CENPU: variants seen among roughly 807,000 people sequenced by gnomAD.
The protein encoded by CENPU is centromere protein U.
In CENPU, 46 loss-of-function variants were observed where a neutral mutation model predicts 56.7. The ratio of observed to expected loss-of-function variants is 0.81; its 90% CI spans 0.64 to 1.04. The LOEUF (loss-of-function observed/expected upper bound fraction) is 1.04. Ranked by LOEUF, CENPU falls within the 50% of genes least tolerant of loss-of-function variation. CENPU has a pLI of 0.00. For synonymous variants in CENPU, 166 were observed against 163.0 expected, an observed-to-expected ratio of 1.02 and a Z score of -0.14; for missense variants, 510 against 490.1, an observed-to-expected ratio of 1.04 and a Z score of -0.38.
intron 3 of CENPU, among the ~76,000 whole-genome samples, chr4:184,727,418 G>C (rs1420411082): frequency 6.6e-6 from 1 of 152,068 alleles, no homozygotes; most frequent in East Asian, 1.9e-4. Flanking sequence ...ACTTAAAAAA[G>C]GTTAATATGG....
chr4:184,733,467 C>T, intron 1 of CENPU: 1 of 974,830 alleles, frequency 1.0e-6, no homozygotes, highest in Non-Finnish European at 1.2e-6. Flanking sequence ...CATTCTAGAG[C>T]GCGTTTTGCA....
intron 8 of CENPU, among the ~76,000 whole-genome samples, chr4:184,704,203 C>A (rs1026347284): frequency 3.9e-5 from 6 of 152,110 alleles, no homozygotes; most frequent in Non-Finnish European, 7.4e-5. Context: ...CCTCAGCCTC[C>A]CGTGTAGCTG....
Position 184,694,513 on chromosome 4 carries a change from GAAATA to G in CENPU, c.*770_*774del. The G allele has an allele frequency of 6.2e-7, 1 of 1,608,514 alleles. No individual in the cohort carries two copies. Among genetic ancestry groups the G allele is most frequent in the Non-Finnish European group, 8.5e-7 (1 of 1,175,964 alleles). Reference sequence around the variant, plus strand: ...TCCCACTCTCTATCCCTTCACCACTGAAATAAAGGAAGAAGAGTTTACAACAGATG... The same window carrying G: ...TCCCACTCTCTATCCCTTCACCACTGAAGGAAGAAGAGTTTACAACAGATG... On this transcript the variant is annotated 3_prime_UTR_variant, in exon 13 of 13. Coordinates refer to ENST00000281453, the MANE Select transcript of CENPU (RefSeq NM_024629.4).
chr4:184,729,814 C>T (rs1431249272), intron 2 of CENPU, among the ~76,000 whole-genome samples: 2 of 152,096 alleles, frequency 1.3e-5, no homozygotes, highest in Non-Finnish European at 2.9e-5. Context: ...GTCTGCTACC[C>T]CAAATCTAAT....
At position 184,718,752 on chromosome 4, in the gene CENPU, C is replaced by T. The variant is rs567245196; in HGVS notation, c.321-1556G>A. On this transcript the variant is annotated intron_variant, in intron 4 of 12. Transcript: ENST00000281453. Reference sequence around the variant, plus strand: ...ACAGAACAAACCAAGACTGATTGCCCAGATTGCTGGATCGGAGGGGAGTGG... The same window carrying T: ...ACAGAACAAACCAAGACTGATTGCCTAGATTGCTGGATCGGAGGGGAGTGG... 2.6e-5 allele frequency among the ~76,000 whole-genome samples: 4 copies of T among 152,276 alleles called. No individual in the cohort carries two copies. The South Asian group carries it at 8.3e-4, about 32-fold the overall frequency.
intron 11 of CENPU, among the ~76,000 whole-genome samples, chr4:184,698,777 C>T (rs953971800): frequency 2.0e-5 from 3 of 152,136 alleles, no homozygotes; most frequent in Non-Finnish European, 4.4e-5. Flanking sequence ...TGAACAAATG[C>T]AGCGCTGGGG....
chr4:184,700,685 C>T lies in CENPU; in HGVS notation c.986+135G>A, dbSNP rs558938083. On this transcript the variant is annotated intron_variant, in intron 11 of 12. Coordinates refer to ENST00000281453, the MANE Select transcript of CENPU (RefSeq NM_024629.4). ...GGGGCAACTAAGCAGCATACCCTGC[C>T]TTCACTGAGTATCGGAGCTTGAAGA... 3.2e-5 allele frequency: 25 copies of T among 785,900 alleles called. No individual in the cohort carries two copies. In the African/African-American group the frequency reaches 3.5e-4, roughly 11 times the overall value. The allele number at this position is 785,900 out of a possible 1,614,324, so 48.7% of individuals were successfully genotyped here. A position where few individuals can be genotyped will look rare whatever the true frequency, so the allele number is the denominator to read the frequency against.
At chr4:184,731,040 C>T (rs953291596) in intron 1 of CENPU, 72 bp from the exon 2 acceptor site, 1 of 1,064,174 alleles carries the variant, frequency 9.4e-7, no homozygotes, top group Non-Finnish European at 1.3e-6. Flanking sequence ...TAGTTATGAC[C>T]CTTTCCGCGC....
intron 2 of CENPU, 100 bp from the exon 3 acceptor site, chr4:184,729,135 A>C: frequency 2.2e-6 from 2 of 913,540 alleles, no homozygotes; most frequent in Non-Finnish European, 3.5e-6. Context: ...CTGCCTAAGG[A>C]AGCAATCCTT....
intron 6 of CENPU, 62 bp from the exon 7 acceptor site, chr4:184,713,075 T>A: frequency 9.4e-7 from 1 of 1,063,610 alleles, no homozygotes; most frequent in Non-Finnish European, 1.4e-6. Flanking sequence ...AACATTAGGA[T>A]TAAGACTGTC....
chr4:184,703,238 C>T (rs1394329769), intron 8 of CENPU, among the ~76,000 whole-genome samples: 1 of 152,228 alleles, frequency 6.6e-6, no homozygotes, highest in East Asian at 1.9e-4. Flanking sequence ...TCTTTTTCTG[C>T]TAACTGATAG....
chr4:184,733,049 A>G (rs1372197832), intron 1 of CENPU, among the ~76,000 whole-genome samples: 1 of 152,174 alleles, frequency 6.6e-6, no homozygotes, highest in African/African-American at 2.4e-5. Flanking sequence ...GGAGGCATGA[A>G]CAGATTTCAT....
intron 7 of CENPU, among the ~76,000 whole-genome samples, chr4:184,710,605 A>C (rs1212928390): frequency 6.6e-6 from 1 of 152,204 alleles, no homozygotes; most frequent in African/African-American, 2.4e-5. Flanking sequence ...AGTAATATAC[A>C]GTAATATACC....
intron 8 of CENPU, among the ~76,000 whole-genome samples, chr4:184,707,947 G>A (rs1760782139): frequency 6.6e-6 from 1 of 152,140 alleles, no homozygotes; most frequent in Non-Finnish European, 1.5e-5. Context: ...AAATAGCTGG[G>A]CGCGGTGGCT....
At chr4:184,695,428 C>T (rs2150195788) in intron 12 of CENPU, 27 bp from the exon 13 acceptor site, 1 of 1,519,916 alleles carries the variant, frequency 6.6e-7, no homozygotes, top group East Asian at 2.3e-5. Flanking sequence ...ATATAATTAG[C>T]AATATCAAAA....
In CENPU at chr4:184,702,115, T is replaced by G. The variant is rs1462382748; in HGVS notation, c.898A>C (p.Thr300Pro). ...TTAGCATTCTTCCTTTTCAGATTTG[T>G]CAACATCTGGCTTTCTTTAAGCTAC... ...IKMLKESQML[T>P]NLKRKNAKMI... Residue 300 changes from threonine (T) to proline (P), a missense_variant, in exon 10 of 13, where the codon ACA becomes CCA. Thr to Pro is a conservative substitution (Grantham distance 38, BLOSUM62 -1). Transcript: ENST00000281453. The G allele has an allele frequency of 3.1e-6, 5 of 1,608,334 alleles. No individual in the cohort carries two copies. The highest frequency in any genetic ancestry group is 3.4e-6 in the Non-Finnish European group (4 of 1,175,756).
chr4:184,714,584 C>G (rs571070688), intron 6 of CENPU, among the ~76,000 whole-genome samples: 1 of 152,116 alleles, frequency 6.6e-6, no homozygotes, highest in South Asian at 2.1e-4. Context: ...TGATAACACA[C>G]TGATTCTAAA....
intron 11 of CENPU, among the ~76,000 whole-genome samples, chr4:184,699,145 G>A (rs1043812732): frequency 2.0e-5 from 3 of 151,870 alleles, no homozygotes; most frequent in African/African-American, 7.3e-5. Context: ...GACTAACATG[G>A]TGAAACCCTG....
chr4:184,726,372 A>G (rs1250085175), intron 3 of CENPU, among the ~76,000 whole-genome samples: 2 of 104,460 alleles, frequency 1.9e-5, no homozygotes, highest in Non-Finnish European at 4.2e-5. Flanking sequence ...GGTCAAAGGG[A>G]AAAAAAAAGC....
Sources: allele counts gnomAD v4.1 joint callset (sites outside exome capture counted in the v4.1 genomes callset), GRCh38; gene constraint gnomAD v4.1.1; transcripts MANE v1.5; gene names NCBI Gene and HGNC (gene_info 2026-07-23, HGNC 2026-07-21).